The following SLC25A48 variants were observed in gnomAD, a reference collection of about 807,000 sequenced individuals.
SLC25A48 encodes the protein solute carrier family 25 member 48.
Under a neutral mutation model 32.2 loss-of-function variants are expected in SLC25A48, and 29 were observed. The observed-to-expected ratio is 0.90, with a 90% CI of 0.67 to 1.23. The LOEUF (loss-of-function observed/expected upper bound fraction) is 1.23. Among genes scored for constraint, SLC25A48 ranks in the 50% most tolerant of loss-of-function variants. The pLI, the probability that SLC25A48 is intolerant of heterozygous loss-of-function variation, is 0.00. For synonymous variants in SLC25A48, 164 were observed against 172.3 expected (o/e 0.95, Z 0.38); for missense variants, 399 against 422.7 (o/e 0.94, Z 0.49).
chr5:135,754,908 G>C (rs1423965733), intron 3 of SLC25A48, among the ~76,000 whole-genome samples: 2 of 151,972 alleles, frequency 1.3e-5, no homozygotes, highest in East Asian at 3.9e-4. Context: ...ATATTGGTCT[G>C]ACATTTATAA....
At chr5:135,852,079 C>T (rs979787430) in intron 3 of SLC25A48, among the ~76,000 whole-genome samples, 17 of 152,220 alleles carry the variant, frequency 1.1e-4, no homozygotes, top group African/African-American at 4.1e-4. Context: ...CCACACCTCA[C>T]TTTCCCCAGA....
At chr5:135,675,824 G>C (rs767285076) in intron 3 of SLC25A48, among the ~76,000 whole-genome samples, 2 of 151,890 alleles carry the variant, frequency 1.3e-5, no homozygotes, top group African/African-American at 4.8e-5. Flanking sequence ...TAATTCTTCT[G>C]ATCCATGAGC....
rs1274663272 is a variant in SLC25A48, at chr5:135,834,731, C to A, written c.-117C>A. ...GGGACTGGGTTTGGAGTAGGACCTG[C>A]GGCGTGCTCGAGACTCCGACTTCGG... is the stretch of plus-strand genomic sequence containing the variant. On this transcript the variant is annotated 5_prime_UTR_variant, in exon 1 of 8. Transcript: ENST00000681962. 1.8e-6 allele frequency: 2 copies of A among 1,133,898 alleles called. No individual in the cohort carries two copies. The highest frequency in any genetic ancestry group is 1.2e-6 in the Non-Finnish European group (1 of 806,232). The allele number at this position is 1,133,898 out of a possible 1,614,324, so 70.2% of individuals were successfully genotyped here.
At chr5:135,756,718 A>G (rs112839565) in intron 3 of SLC25A48, among the ~76,000 whole-genome samples, 103 of 151,412 alleles carry the variant, frequency 6.8e-4, no homozygotes, top group African/African-American at 2.3e-3. Context: ...TAGTGTTAAC[A>G]CACAGTGTTA....
chr5:135,712,550 G>A (rs763374567), intron 3 of SLC25A48, among the ~76,000 whole-genome samples: 2 of 152,212 alleles, frequency 1.3e-5, no homozygotes, highest in African/African-American at 2.4e-5. Flanking sequence ...AGACCTGACT[G>A]TGTTCACTGC....
In SLC25A48 at chr5:135,776,265, C is replaced by CCG. The variant is rs1561487425; in HGVS notation, c.-520-36258_-520-36257insCG. 3.1e-5 allele frequency among the ~76,000 whole-genome samples: 4 copies of CCG among 127,828 alleles called. 1 individual carries two copies. Among genetic ancestry groups the CCG allele is most frequent in the African/African-American group, 6.0e-5 (2 of 33,312 alleles). 83.9% of individuals were successfully genotyped at this position (127,828 alleles called of 152,430 possible). On this transcript the variant is annotated intron_variant, in intron 3 of 10. Coordinates refer to the SLC25A48 transcript ENST00000646290. ...TACCAGAGGATATTGTTCCTCATATCTGGGGGGTGGGGGGCAGAGAGAATA... is the reference window on the plus strand; with the variant it reads ...TACCAGAGGATATTGTTCCTCATATCCGTGGGGGGTGGGGGGCAGAGAGAATA...
Position 135,626,851 on chromosome 5 carries a change from C to T in SLC25A48, c.-848-2386C>T, listed in dbSNP as rs991515990. On this transcript the variant is annotated intron_variant, in intron 1 of 10. Transcript: ENST00000646290. ...TTGGGTGATTTTTGCCTGCACTGCC[C>T]TCAGTCCCAGATTGTCCAGGCCAGA... is the stretch of plus-strand genomic sequence containing the variant. 2.6e-5 allele frequency among the ~76,000 whole-genome samples: 4 copies of T among 152,290 alleles called. No individual in the cohort carries two copies. The South Asian group carries it at 6.2e-4, about 24-fold the overall frequency.
At chr5:135,664,967 A>T (rs1409096627) in intron 3 of SLC25A48, among the ~76,000 whole-genome samples, 1 of 152,194 alleles carries the variant, frequency 6.6e-6, no homozygotes, top group Non-Finnish European at 1.5e-5. Flanking sequence ...ATTGAATGGT[A>T]GATCTACTTT....
At chr5:135,617,964 G>A (rs2126896409) in intron 1 of SLC25A48, among the ~76,000 whole-genome samples, 1 of 152,048 alleles carries the variant, frequency 6.6e-6, no homozygotes, top group South Asian at 2.1e-4. Context: ...TAAGTTTGAT[G>A]TTTCTTTGCT....
chr5:135,646,245 G>C (rs1752955743), intron 3 of SLC25A48, among the ~76,000 whole-genome samples: 1 of 133,194 alleles, frequency 7.5e-6, no homozygotes, highest in Admixed American at 7.8e-5. Context: ...GCACACGGAG[G>C]AAGAGCCCTC....
chr5:135,884,061 T>C (rs1762639580), intron 7 of SLC25A48, among the ~76,000 whole-genome samples: 1 of 152,190 alleles, frequency 6.6e-6, no homozygotes, highest in East Asian at 1.9e-4. Flanking sequence ...CGTGCAGAAC[T>C]GTCATACAAA....
chr5:135,725,570 C>T (rs1341887968), intron 3 of SLC25A48, among the ~76,000 whole-genome samples: 5 of 152,166 alleles, frequency 3.3e-5, no homozygotes, highest in Non-Finnish European at 5.9e-5. Context: ...CAAATGGCCT[C>T]CCTCTCCTTC....
intron 3 of SLC25A48, among the ~76,000 whole-genome samples, chr5:135,795,230 A>G (rs539486240): frequency 6.6e-6 from 1 of 151,922 alleles, no homozygotes; most frequent in Non-Finnish European, 1.5e-5. Context: ...AGAGGAAGAT[A>G]TTACTCCCAA....
chr5:135,822,758 G>A (rs892748497), intron 4 of SLC25A48, among the ~76,000 whole-genome samples: 7 of 152,280 alleles, frequency 4.6e-5, no homozygotes, highest in East Asian at 1.9e-4. Context: ...AATTCACAGC[G>A]AACAGAGCAC....
At chr5:135,807,080 A>T (rs1205661828) in intron 3 of SLC25A48, among the ~76,000 whole-genome samples, 1 of 150,636 alleles carries the variant, frequency 6.6e-6, no homozygotes, top group Non-Finnish European at 1.5e-5. Context: ...TATTAATATC[A>T]TAGTGGGTTT....
chr5:135,643,058 A>G lies in SLC25A48; in HGVS notation c.-521+8102A>G, dbSNP rs117759157. ...ACAGGAAGGGAAGTGGGCAGAGAAC[A>G]GTCAGCAGTCTGGGGTGCGCTGAAT... On this transcript the variant is annotated intron_variant, in intron 3 of 10. Transcript: ENST00000646290. Among the ~76,000 whole-genome samples, 69 of 152,352 alleles carry G rather than the reference A, an allele frequency of 4.5e-4. No individual in the cohort carries two copies. The East Asian group carries it at 0.011, about 24-fold the overall frequency.
rs182085074 is a variant in SLC25A48 at position 135,865,265 on chromosome 5, C to T, written c.422-6196C>T. ...AAGCATCTGCCTATCTTGGGCCTCT[C>T]ACGTCATGAGGAAACTGCTGGACTC... On this transcript the variant is annotated intron_variant, in intron 4 of 7. Transcript: ENST00000681962. Among the ~76,000 whole-genome samples, 40 of 152,252 alleles carry T rather than the reference C, an allele frequency of 2.6e-4. No homozygotes were observed. The East Asian group carries it at 7.3e-3, about 28-fold the overall frequency.
intron 3 of SLC25A48, among the ~76,000 whole-genome samples, chr5:135,755,604 T>C (rs1755879736): frequency 6.6e-6 from 1 of 152,048 alleles, no homozygotes; most frequent in Non-Finnish European, 1.5e-5. Flanking sequence ...ATATGTAGCG[T>C]CAACGCACTA....
At chr5:135,874,195 G>A (rs114718681) in intron 6 of SLC25A48, 41 bp downstream of exon 6, 98 of 1,403,456 alleles carry the variant, frequency 7.0e-5, no homozygotes, top group Middle Eastern at 3.7e-4. Flanking sequence ...GTCAGTCCCT[G>A]GAAGGTGGTT....
Sources: gnomAD v4.1 joint callset for allele counts (sites outside exome capture counted in the v4.1 genomes callset) on GRCh38, gnomAD v4.1.1 for gene constraint, MANE v1.5 for transcripts, NCBI Gene and HGNC (gene_info 2026-07-23, HGNC 2026-07-21) for gene names.